The following NAV3 variants were observed in gnomAD, a reference collection of about 807,000 sequenced individuals.
NAV3 encodes the protein neuron navigator 3.
Under a neutral mutation model 244.7 loss-of-function variants are expected in NAV3, and 87 were observed. The ratio of observed to expected loss-of-function variants is 0.36; its 90% CI spans 0.30 to 0.42. The LOEUF is 0.42. NAV3 is among the 20% of genes least tolerant of loss of function. NAV3 has a pLI of 1.00. For missense variants in NAV3, 2,663 were observed against 2,893.3 expected, an observed-to-expected ratio of 0.92 and a Z score of 1.83; for synonymous variants, 1,126 against 1,042.2, an observed-to-expected ratio of 1.08 and a Z score of -1.55.
chr12:78,110,749 T>G (rs549033706), intron 12 of NAV3, among the ~76,000 whole-genome samples: 1 of 152,160 alleles, frequency 6.6e-6, no homozygotes, highest in African/African-American at 2.4e-5. Flanking sequence ...ATATAATGTT[T>G]TCTACATGTT....
chr12:77,964,949 G>T (rs1356727662), intron 3 of NAV3, among the ~76,000 whole-genome samples: 13 of 152,140 alleles, frequency 8.5e-5, no homozygotes, highest in Admixed American at 3.9e-4. Context: ...ATAGATTCTT[G>T]AATCTATTTT....
intron 11 of NAV3, among the ~76,000 whole-genome samples, chr12:78,053,013 G>T (rs1344080952): frequency 6.6e-6 from 1 of 151,960 alleles, no homozygotes; most frequent in African/African-American, 2.4e-5. Flanking sequence ...GAGGTCAGGA[G>T]TTCAAGACCA....
chr12:78,184,736 T>A (rs1285259809), intron 30 of NAV3, among the ~76,000 whole-genome samples: 1 of 151,756 alleles, frequency 6.6e-6, no homozygotes, highest in African/African-American at 2.4e-5. Flanking sequence ...AGTTGAGTCC[T>A]CTTTTCACCA....
chr12:77,699,442 G>A (rs754603907), intron 2 of NAV3, among the ~76,000 whole-genome samples: 24 of 152,064 alleles, frequency 1.6e-4, no homozygotes, highest in African/African-American at 3.9e-4. Context: ...ATTTTATTAC[G>A]TCCTTGGATT....
rs189922821 is a variant in NAV3 at position 78,026,361 on chromosome 12, G to A, written c.2023+4499G>A. On this transcript the variant is annotated intron_variant, in intron 9 of 39. Transcript: ENST00000397909. ...ATTAACCTAGCAAATTGTACCCCTC[G>A]AAAACTCTTTACCCAAGTCTTCTCC... Among the ~76,000 whole-genome samples the A allele has an allele frequency of 4.6e-5, 7 of 152,076 alleles. No homozygotes were observed. The East Asian group carries it at 7.7e-4, about 17-fold the overall frequency.
intron 1 of NAV3, among the ~76,000 whole-genome samples, chr12:77,899,170 G>T (rs1884973311): frequency 6.6e-6 from 1 of 152,206 alleles, no homozygotes; most frequent in Admixed American, 6.5e-5. Context: ...TAAAGATGCT[G>T]TAAACATTGT....
intron 5 of NAV3, among the ~76,000 whole-genome samples, chr12:77,976,214 T>C (rs373335768): frequency 1.3e-5 from 2 of 152,112 alleles, no homozygotes; most frequent in Non-Finnish European, 2.9e-5. Flanking sequence ...ATATGAGATA[T>C]ATCCAAAATA....
At chr12:78,120,001 A>G in intron 15 of NAV3, 56 bp downstream of exon 15, 2 of 1,286,580 alleles carry the variant, frequency 1.6e-6, no homozygotes, top group Non-Finnish European at 2.2e-6. Context: ...TGTGTTAGAC[A>G]CATACATTAC....
intron 2 of NAV3, among the ~76,000 whole-genome samples, chr12:77,667,035 G>A (rs563902375): frequency 3.9e-5 from 6 of 152,144 alleles, no homozygotes; most frequent in Admixed American, 6.6e-5. Context: ...GTCCAAATCC[G>A]AAGAATACAT....
intron 34 of NAV3, among the ~76,000 whole-genome samples, chr12:78,195,354 T>TTTATTA (rs148621116): frequency 1.7e-4 from 25 of 151,478 alleles, no homozygotes; most frequent in Admixed American, 1.3e-4. Flanking sequence ...TTCAATCCTT[T>TTTATTA]TTATTATTAT....
intron 5 of NAV3, among the ~76,000 whole-genome samples, chr12:77,977,889 A>G (rs1868799406): frequency 6.6e-6 from 1 of 152,134 alleles, no homozygotes; most frequent in Non-Finnish European, 1.5e-5. Flanking sequence ...ATTTTATGAT[A>G]GTTTGGGGAG....
At chr12:77,978,419 A>G (rs1868904097) in intron 5 of NAV3, among the ~76,000 whole-genome samples, 1 of 152,170 alleles carries the variant, frequency 6.6e-6, no homozygotes, top group Non-Finnish European at 1.5e-5. Context: ...AACCACAGGT[A>G]CTACGTATTT....
At chr12:77,768,031 C>T (rs916553299) in intron 2 of NAV3, among the ~76,000 whole-genome samples, 9 of 152,148 alleles carry the variant, frequency 5.9e-5, no homozygotes, top group African/African-American at 2.2e-4. Flanking sequence ...TGGGTAGCTC[C>T]TTTTGACAGG....
chr12:77,771,213 G>A (rs900546833), intron 2 of NAV3, among the ~76,000 whole-genome samples: 2 of 152,166 alleles, frequency 1.3e-5, no homozygotes, highest in Non-Finnish European at 2.9e-5. Flanking sequence ...ACCACAATGA[G>A]ATACCATCTC....
rs567340861 is a variant in NAV3, at chr12:78,187,453, A to G, written c.5791-795A>G. On this transcript the variant is annotated intron_variant, in intron 31 of 39. Transcript: ENST00000397909. Reference sequence around the variant, plus strand: ...TATATCTACTGGAATCATAATCACTATTTCGTTAACCATTTCTGGTCATCA... The same window carrying G: ...TATATCTACTGGAATCATAATCACTGTTTCGTTAACCATTTCTGGTCATCA... Among the ~76,000 whole-genome samples the G allele has an allele frequency of 1.7e-4, 26 of 152,032 alleles. No homozygotes were observed. In the South Asian group the frequency reaches 4.6e-3, roughly 27 times the overall value.
chr12:77,933,309 C>A (rs980973622), intron 1 of NAV3, among the ~76,000 whole-genome samples: 2 of 151,704 alleles, frequency 1.3e-5, no homozygotes, highest in African/African-American at 4.8e-5. Context: ...GAGAAGCGAC[C>A]CAGGGCAATG....
At chr12:78,117,114 A>G (rs946094379) in intron 13 of NAV3, among the ~76,000 whole-genome samples, 2 of 138,578 alleles carry the variant, frequency 1.4e-5, no homozygotes, top group African/African-American at 5.4e-5. Flanking sequence ...CCTTAGGAGG[A>G]GCAACAATGT....
intron 2 of NAV3, among the ~76,000 whole-genome samples, chr12:77,723,783 A>G (rs1198007278): frequency 1.5e-5 from 1 of 64,686 alleles, no homozygotes; most frequent in African/African-American, 5.1e-5. Context: ...TTTTTTACAT[A>G]TATCTCTATT....
At chr12:78,199,311 G>A (rs774930057) in intron 36 of NAV3, 24 bp from the exon 37 acceptor site, 14 of 1,516,842 alleles carry the variant, frequency 9.2e-6, no homozygotes, top group African/African-American at 7.0e-5. Flanking sequence ...ATATAAAAAT[G>A]TCTGATTTTT....
Sources: gnomAD v4.1 joint callset for allele counts (sites outside exome capture counted in the v4.1 genomes callset) on GRCh38, gnomAD v4.1.1 for gene constraint, MANE v1.5 for transcripts, NCBI Gene and HGNC (gene_info 2026-07-23, HGNC 2026-07-21) for gene names.